SUPT6H: variants seen among roughly 807,000 people sequenced by gnomAD.
SUPT6H encodes the protein SPT6 homolog, histone chaperone and transcription elongation factor.
Under a neutral mutation model 222.3 loss-of-function variants are expected in SUPT6H, and 11 were observed. The observed-to-expected ratio is 0.05, with a 90% CI of 0.03 to 0.08. The LOEUF (loss-of-function observed/expected upper bound fraction) is 0.08, where lower values mean the gene tolerates loss of function less well. Among genes scored for constraint, SUPT6H ranks in the 10% least tolerant of loss-of-function variants. SUPT6H has a pLI of 1.00. For missense variants in SUPT6H, 1,422 were observed against 2,216.0 expected, an observed-to-expected ratio of 0.64 and a Z score of 7.19; for synonymous variants, 762 against 801.2, an observed-to-expected ratio of 0.95 and a Z score of 0.83.
At chr17:28,696,822 A>G (rs1186941592) in intron 29 of SUPT6H, 22 bp from the exon 30 acceptor site, 1 of 1,610,048 alleles carries the variant, frequency 6.2e-7, no homozygotes, top group African/African-American at 1.3e-5. Flanking sequence ...CCCAGTCTGT[A>G]CTGCTTTTCT....
intron 16 of SUPT6H, 86 bp downstream of exon 16, chr17:28,683,508 C>T: frequency 3.1e-6 from 5 of 1,587,998 alleles, no homozygotes; most frequent in Non-Finnish European, 4.3e-6. Flanking sequence ...GAGTGGGGAA[C>T]CACAATTTCA....
At chr17:28,677,863 T>G in intron 8 of SUPT6H, 47 bp downstream of exon 8, 2 of 1,545,322 alleles carry the variant, frequency 1.3e-6, no homozygotes, top group Non-Finnish European at 1.8e-6. Context: ...AAAAGACACT[T>G]CATCAAGATG....
intron 17 of SUPT6H, among the ~76,000 whole-genome samples, chr17:28,684,184 A>G (rs2031265554): frequency 6.6e-6 from 1 of 152,066 alleles, no homozygotes. Context: ...TTTTAGTCAT[A>G]TGATTTCCCC....
At position 28,683,281 on chromosome 17, in the gene SUPT6H, C is replaced by G. The variant is rs750872074; in HGVS notation, c.1892C>G (p.Ala631Gly). The change falls in exon 16 of 37, where the codon GCC becomes GGC. Residue 631 changes from alanine (A) to glycine (G), a missense_variant. By Grantham distance (60) the Ala-to-Gly change is moderately conservative (BLOSUM62 0). Around this residue, in one of 13 missense-constraint regions of SUPT6H, gnomAD observed 121 missense variants for 158.0 expected, o/e 0.77. Transcript: ENST00000314616. ...TKKGRKDVDE[A>G]HYAYSFKYLK... is the part of the protein sequence containing the mutation. ...TCATGTGTGCAGGATGTGGATGAGG[C>G]CCACTATGCCTATTCCTTCAAGTAT... The G allele has an allele frequency of 6.2e-7, 1 of 1,614,026 alleles. No homozygotes were observed. Among genetic ancestry groups the G allele is most frequent in the Non-Finnish European group, 8.5e-7 (1 of 1,179,956 alleles).
At chr17:28,700,320 C>CCCT in intron 34 of SUPT6H, 26 bp from the exon 35 acceptor site, 6 of 1,613,988 alleles carry the variant, frequency 3.7e-6, no homozygotes, top group Non-Finnish European at 5.1e-6. Context: ...TCTAACATGC[C>CCCT]CCTCCCCACC....
intron 1 of SUPT6H, chr17:28,671,278 C>T (rs1487927564): frequency 1.3e-5 from 2 of 152,214 alleles, no homozygotes; most frequent in East Asian, 3.9e-4. Flanking sequence ...AATTTGTTAG[C>T]AGCTAATTTG....
Position 28,667,518 on chromosome 17 carries a change from CGTGTGT to C in SUPT6H, c.-32+5187_-32+5192del, listed in dbSNP as rs146070299. On this transcript the variant is annotated intron_variant, in intron 1 of 36. Transcript: ENST00000314616. ...GTATATGTGTATATATATATAAATACGTGTGTGTGTGTGTGTTTTATATATATATAT... is the reference window on the plus strand; with the variant it reads ...GTATATGTGTATATATATATAAATACGTGTGTGTGTTTTATATATATATAT... Among the ~76,000 whole-genome samples the C allele has an allele frequency of 5.8e-4, 68 of 117,874 alleles. 1 individual carries two copies. The highest frequency in any genetic ancestry group is 0.012 in the Middle Eastern group (2 of 170). 77.3% of individuals were successfully genotyped at this position (117,874 alleles called of 152,430 possible).
At chr17:28,696,741 C>A (rs1442637443) in intron 29 of SUPT6H, 103 bp from the exon 30 acceptor site, 2 of 1,093,506 alleles carry the variant, frequency 1.8e-6, no homozygotes, top group African/African-American at 3.1e-5. Context: ...TGACAGAGCA[C>A]CCCAACTCAA....
In SUPT6H at chr17:28,684,730, C is replaced by A; in HGVS notation, c.2369+5C>A. Reference sequence around the variant, plus strand: ...CATTGCTTTCTCCTCTGCCAGGTAACAGCCTATTTTTGCCTCCCCAGCACC... The same window carrying A: ...CATTGCTTTCTCCTCTGCCAGGTAAAAGCCTATTTTTGCCTCCCCAGCACC... On this transcript the variant is annotated splice_donor_5th_base_variant and intron_variant, in intron 18 of 36. Coordinates refer to ENST00000314616, the MANE Select transcript of SUPT6H (RefSeq NM_003170.5). The A allele has an allele frequency of 6.2e-7, 1 of 1,614,188 alleles. No homozygotes were observed. Among genetic ancestry groups the A allele is most frequent in the Non-Finnish European group, 8.5e-7 (1 of 1,180,020 alleles).
chr17:28,666,376 A>G (rs760422596), intron 1 of SUPT6H, among the ~76,000 whole-genome samples: 1 of 152,174 alleles, frequency 6.6e-6, no homozygotes, highest in Non-Finnish European at 1.5e-5. Context: ...AAGGTTTGCC[A>G]ACCCCTGTGC....
rs775942585 is a variant in SUPT6H at position 28,675,149 on chromosome 17, T to A, written c.525T>A (p.Asp175Glu). 5 of 1,610,144 alleles carry A rather than the reference T, an allele frequency of 3.1e-6. No homozygotes were observed. Among genetic ancestry groups the A allele is most frequent in the Non-Finnish European group, 4.2e-6 (5 of 1,178,952 alleles). Reference sequence around the variant, plus strand: ...CTCCTCCAGAGGAGGAGGAAGAAGATGATGAGGAGTCAGGTATGTTATATT... The same window carrying A: ...CTCCTCCAGAGGAGGAGGAAGAAGAAGATGAGGAGTCAGGTATGTTATATT... ...PMAPPEEEEEDDEESDIDDFI... is the reference protein window; with the variant it reads ...PMAPPEEEEEEDEESDIDDFI... The change falls in exon 5 of 37, where the codon GAT becomes GAA. Residue 175 changes from aspartate to glutamate, a missense_variant. Asp to Glu is a conservative substitution (Grantham distance 45). Around this residue, in one of 13 missense-constraint regions of SUPT6H, gnomAD observed 389 missense variants for 544.6 expected, o/e 0.71. Coordinates refer to ENST00000314616, the MANE Select transcript of SUPT6H (RefSeq NM_003170.5).
chr17:28,698,869 G>A (rs973669916), intron 32 of SUPT6H, among the ~76,000 whole-genome samples: 1 of 152,142 alleles, frequency 6.6e-6, no homozygotes, highest in Non-Finnish European at 1.5e-5. Flanking sequence ...ACTCACCAGT[G>A]TGCTTCCAGA....
chr17:28,700,667 G>A (rs1156362671), intron 35 of SUPT6H, 155 bp downstream of exon 35: 1 of 1,117,052 alleles, frequency 9.0e-7, no homozygotes. Flanking sequence ...CCCATTTGAA[G>A]GGGAAGAGGG....
At chr17:28,689,285 G>T in intron 24 of SUPT6H, 69 bp from the exon 25 acceptor site, 1 of 1,460,274 alleles carries the variant, frequency 6.8e-7, no homozygotes, top group Non-Finnish European at 9.5e-7. Flanking sequence ...GTTCCCCATT[G>T]GTGGACATTT....
chr17:28,689,459 C>T lies in SUPT6H; in HGVS notation c.3240C>T (p.Ala1080=), dbSNP rs200547240. The T allele has an allele frequency of 1.5e-5, 24 of 1,614,176 alleles. No homozygotes were observed. The Admixed American group carries it at 1.8e-4, about 12-fold the overall frequency. Residue 1080 remains alanine (A), a synonymous_variant, in exon 25 of 37, where the codon GCC becomes GCT. Coordinates refer to ENST00000314616, the MANE Select transcript of SUPT6H (RefSeq NM_003170.5). ...AVDALEYDES[A]EDANPAGALE... is the part of the protein sequence containing the mutation. ...ATGCCCTGGAATACGATGAATCAGC[C>T]GAGGATGCCAATCCTGCAGGAGCCC...
rs764274213 is a variant in SUPT6H, at chr17:28,701,047, T to C, written c.4913T>C (p.Leu1638Pro). Reference protein sequence around the residue: ...QPITTPQYHQLQASTTPQSAQ... With the variant: ...QPITTPQYHQPQASTTPQSAQ... ...ATCACCACCCCTCAGTACCACCAGC[T>C]CCAGGCCAGCACCACCCCACAGTCG... The change falls in exon 36 of 37, where the codon CTC becomes CCC. Residue 1638 changes from leucine (L) to proline (P), a missense_variant. By Grantham distance (98) the Leu-to-Pro change is moderately conservative. Transcript: ENST00000314616. 6.2e-7 allele frequency: 1 copy of C among 1,613,842 alleles called. No individual in the cohort carries two copies. The highest frequency in any genetic ancestry group is 8.5e-7 in the Non-Finnish European group (1 of 1,179,976).
chr17:28,673,781 G>A (rs936980689), intron 2 of SUPT6H, among the ~76,000 whole-genome samples: 36 of 152,176 alleles, frequency 2.4e-4, no homozygotes, highest in Admixed American at 1.5e-3. Flanking sequence ...CAGTAGATAA[G>A]TCTGTATATA....
intron 30 of SUPT6H, 26 bp from the exon 31 acceptor site, chr17:28,697,594 A>G (rs749992221): frequency 1.6e-5 from 26 of 1,584,574 alleles, no homozygotes; most frequent in Non-Finnish European, 5.2e-6. Flanking sequence ...GATATGACAC[A>G]TGGGGCCTTT....
intron 1 of SUPT6H, among the ~76,000 whole-genome samples, chr17:28,667,403 G>GTATATATATT (rs1432342239): frequency 2.4e-5 from 1 of 42,352 alleles, no homozygotes; most frequent in East Asian, 1.0e-3. Context: ...AAGTGTGTGT[G>GTATATATATT]TGTATATATA....
Sources: gnomAD v4.1 joint callset for allele counts (sites outside exome capture counted in the v4.1 genomes callset) on GRCh38, gnomAD v4.1.1 for gene constraint, gnomAD v4.1.1 regional missense constraint, MANE v1.5 for transcripts, NCBI Gene and HGNC (gene_info 2026-07-23, HGNC 2026-07-21) for gene names.